The following STAU2 variants were observed in gnomAD, a reference collection of about 807,000 sequenced individuals.
STAU2 encodes the protein staufen double-stranded RNA binding protein 2, also known as double-stranded RNA-binding protein Staufen homolog 2.
STAU2 carries 20 observed loss-of-function variants against 65.9 expected under a neutral mutation model. The ratio of observed to expected loss-of-function variants is 0.30; its 90% CI spans 0.21 to 0.44. The LOEUF is 0.44. STAU2 is among the 20% of genes least tolerant of loss of function. The pLI is 1.00. For synonymous variants in STAU2, 232 were observed against 233.9 expected (o/e 0.99, Z 0.07); for missense variants, 558 against 683.9 (o/e 0.82, Z 2.05).
intron 13 of STAU2, among the ~76,000 whole-genome samples, chr8:73,472,379 A>C (rs527954028): frequency 4.7e-4 from 72 of 152,310 alleles, no homozygotes; most frequent in African/African-American, 1.6e-3. Flanking sequence ...GGGAAAGTGA[A>C]AAGTTGGCCC....
At chr8:73,622,959 A>G (rs1813374008) in intron 6 of STAU2, among the ~76,000 whole-genome samples, 1 of 152,240 alleles carries the variant, frequency 6.6e-6, no homozygotes. Context: ...AAAAATAAAT[A>G]AAATTGTAAA....
intron 3 of STAU2, among the ~76,000 whole-genome samples, chr8:73,730,851 C>A (rs574030686): frequency 1.3e-5 from 2 of 151,704 alleles, no homozygotes; most frequent in Non-Finnish European, 2.9e-5. Context: ...TAGTCCCTTA[C>A]TGATATTCTG....
At position 73,617,215 on chromosome 8, in the gene STAU2, T is replaced by C. The variant is rs369247160; in HGVS notation, c.570+77A>G. Reference sequence around the variant, plus strand: ...CTTCCCTATCAGAACAGATTATTTATTTTAATTATAAAATGCTCTGATTTG... The same window carrying C: ...CTTCCCTATCAGAACAGATTATTTACTTTAATTATAAAATGCTCTGATTTG... On this transcript the variant is annotated intron_variant, in intron 7 of 14. Transcript: ENST00000524300. 56 of 1,533,480 alleles carry C rather than the reference T, an allele frequency of 3.7e-5. 1 individual carries two copies. Among genetic ancestry groups the C allele is most frequent in the East Asian group, 3.4e-4 (15 of 43,812 alleles). The allele number at this position is 1,533,480 out of a possible 1,614,324, so 95.0% of individuals were successfully genotyped here. A position where few individuals can be genotyped will look rare whatever the true frequency, so the allele number is the denominator to read the frequency against.
intron 11 of STAU2, among the ~76,000 whole-genome samples, chr8:73,591,905 A>C (rs1343632697): frequency 2.4e-4 from 35 of 143,984 alleles, no homozygotes; most frequent in Non-Finnish European, 5.2e-4. Flanking sequence ...AAAAAAAAAA[A>C]AAAAAAAAAC....
chr8:73,696,665 C>A (rs955739670), intron 4 of STAU2, among the ~76,000 whole-genome samples: 2 of 152,034 alleles, frequency 1.3e-5, no homozygotes, highest in Non-Finnish European at 2.9e-5. Flanking sequence ...TGAAGACAGG[C>A]TATTTGAAAT....
intron 13 of STAU2, among the ~76,000 whole-genome samples, chr8:73,468,376 G>A (rs1449378344): frequency 1.1e-4 from 17 of 152,200 alleles, no homozygotes; most frequent in South Asian, 2.1e-4. Context: ...AGGCAATACC[G>A]TTCAGGACAT....
At chr8:73,437,858 G>C (rs75222207) in intron 13 of STAU2, among the ~76,000 whole-genome samples, 1 of 151,708 alleles carries the variant, frequency 6.6e-6, no homozygotes, top group Non-Finnish European at 1.5e-5. Flanking sequence ...TGGCCTCTTC[G>C]CAGCAGGATC....
chr8:73,525,065 C>T (rs1823273149), intron 13 of STAU2, among the ~76,000 whole-genome samples: 1 of 152,178 alleles, frequency 6.6e-6, no homozygotes, highest in Non-Finnish European at 1.5e-5. Context: ...ACACCCCCTA[C>T]TTTCTACCTC....
At chr8:73,668,768 T>A (rs1325365473) in intron 6 of STAU2, among the ~76,000 whole-genome samples, 1 of 152,158 alleles carries the variant, frequency 6.6e-6, no homozygotes, top group Non-Finnish European at 1.5e-5. Flanking sequence ...CCAAGTTGTA[T>A]CTACAGAGTT....
chr8:73,739,815 T>A lies in STAU2; in HGVS notation c.-143A>T. ...TTTGAGTTCTTCTTTTTCTGTCTTC[T>A]TTTTTTTCTTCAATCTTTAAAAAGT... On this transcript the variant is annotated 5_prime_UTR_variant, in exon 2 of 15. It adds an upstream start codon to the 5' untranslated region. Coordinates refer to ENST00000524300, the MANE Select transcript of STAU2 (RefSeq NM_001164380.2). The A allele has an allele frequency of 6.6e-7, 1 of 1,506,184 alleles. No homozygotes were observed. Among genetic ancestry groups the A allele is most frequent in the Non-Finnish European group, 8.9e-7 (1 of 1,122,982 alleles). 93.3% of individuals were successfully genotyped at this position (1,506,184 alleles called of 1,614,324 possible).
chr8:73,682,854 A>T (rs1291956404), intron 5 of STAU2, among the ~76,000 whole-genome samples: 1 of 152,164 alleles, frequency 6.6e-6, no homozygotes, highest in Non-Finnish European at 1.5e-5. Context: ...CACACAAACT[A>T]GAAAACCTAG....
chr8:73,624,145 A>G (rs1586144695), intron 6 of STAU2, among the ~76,000 whole-genome samples: 1 of 151,520 alleles, frequency 6.6e-6, no homozygotes, highest in Non-Finnish European at 1.5e-5. Context: ...ATAAAAATGG[A>G]AAAAAAAATA....
At chr8:73,454,920 T>C (rs1222279349) in intron 13 of STAU2, among the ~76,000 whole-genome samples, 14 of 152,182 alleles carry the variant, frequency 9.2e-5, no homozygotes, top group Non-Finnish European at 4.4e-5. Context: ...TGGGAAGCTG[T>C]GGCTGTGGAG....
chr8:73,621,241 T>C (rs932346794), intron 6 of STAU2, among the ~76,000 whole-genome samples: 3 of 152,090 alleles, frequency 2.0e-5, no homozygotes, highest in African/African-American at 7.2e-5. Flanking sequence ...ATTCTCATGA[T>C]AGGGAGTGAG....
intron 6 of STAU2, among the ~76,000 whole-genome samples, chr8:73,662,599 T>TTTTTTGTTGTTGTTG (rs1554558607): frequency 1.3e-5 from 2 of 150,584 alleles, no homozygotes; most frequent in East Asian, 3.9e-4. Context: ...TTCAGGGGTT[T>TTTTTTGTTGTTGTTG]TTGTTGTTGT....
chr8:73,685,166 CTG>C (rs1818705158), intron 5 of STAU2, among the ~76,000 whole-genome samples: 1 of 152,104 alleles, frequency 6.6e-6, no homozygotes, highest in African/African-American at 2.4e-5. Context: ...TTAACCATGA[CTG>C]TAAGTTTCCT....
chr8:73,671,374 C>A, intron 6 of STAU2, among the ~76,000 whole-genome samples: 1 of 150,074 alleles, frequency 6.7e-6, no homozygotes, highest in African/African-American at 2.5e-5. Flanking sequence ...AGTGAGACTT[C>A]ATCTAAAAAA....
intron 3 of STAU2, among the ~76,000 whole-genome samples, chr8:73,724,465 C>G (rs962031221): frequency 6.6e-6 from 1 of 151,966 alleles, no homozygotes; most frequent in Non-Finnish European, 1.5e-5. Flanking sequence ...CAGTAGAAAC[C>G]ATACTGAAGT....
At chr8:73,587,575 C>T (rs1810465254) in intron 11 of STAU2, among the ~76,000 whole-genome samples, 1 of 152,166 alleles carries the variant, frequency 6.6e-6, no homozygotes, top group African/African-American at 2.4e-5. Flanking sequence ...ATGTGCTTGA[C>T]TGGTAAAGAC....
Sources: allele counts gnomAD v4.1 joint callset (sites outside exome capture counted in the v4.1 genomes callset), GRCh38; gene constraint gnomAD v4.1.1; transcripts MANE v1.5; gene names NCBI Gene and HGNC (gene_info 2026-07-23, HGNC 2026-07-21).